The following C2orf76 variants were observed in gnomAD, a reference collection of about 807,000 sequenced individuals.
C2orf76 encodes UPF0538 protein C2orf76.
A neutral mutation model predicts 16.9 loss-of-function variants in C2orf76; 23 were observed. The ratio of observed to expected loss-of-function variants is 1.36; its 90% CI spans 0.98 to 1.93. The LOEUF is 1.93. Ranked by LOEUF, C2orf76 falls within the 30% of genes most tolerant of loss-of-function variation. The probability of loss-of-function intolerance (pLI) is 0.00; values close to 1 mark genes in which losing one functional copy is unlikely to be tolerated. For synonymous variants in C2orf76, 48 were observed against 52.3 expected, an observed-to-expected ratio of 0.92 and a Z score of 0.35; for missense variants, 152 against 152.6, an observed-to-expected ratio of 1.00 and a Z score of 0.02.
chr2:119,301,947 A>G (rs756755375), downstream of C2orf76, among the ~76,000 whole-genome samples: 88 of 152,030 alleles, frequency 5.8e-4, no homozygotes, highest in Non-Finnish European at 1.0e-3. Flanking sequence ...ACCTTCCTAC[A>G]TCATAAAACC....
chr2:119,367,016 C>G (rs1681043158), upstream of C2orf76: 1 of 1,613,818 alleles, frequency 6.2e-7, no homozygotes. Context: ...CTCGCCTCCT[C>G]CGCTGTCTCC....
Position 119,302,468 on chromosome 2 carries a change from GT to G in C2orf76, c.*3del. ...TATGCAAAAAGGAAGCCCTCGAGAT[GT>G]TTTCACCAGGATGAAATGGGATTAG... On this transcript the variant is annotated 3_prime_UTR_variant, in exon 6 of 6. Coordinates refer to ENST00000334816, the MANE Select transcript of C2orf76 (RefSeq NM_001322331.2). 1 of 1,267,364 alleles carries G rather than the reference GT, an allele frequency of 7.9e-7. No homozygotes were observed. The highest frequency in any genetic ancestry group is 1.1e-6 in the Non-Finnish European group (1 of 895,474). The allele number at this position is 1,267,364 out of a possible 1,614,324, so 78.5% of individuals were successfully genotyped here.
At chr2:119,316,289 C>G (rs1679171249) in intron 4 of C2orf76, among the ~76,000 whole-genome samples, 1 of 152,190 alleles carries the variant, frequency 6.6e-6, no homozygotes, top group South Asian at 2.1e-4. Context: ...CAGCCCCAGA[C>G]ACGTGTGAGC....
In C2orf76 at chr2:119,308,901, C is replaced by T. The variant is rs528699879; in HGVS notation, c.304+2721G>A. On this transcript the variant is annotated intron_variant, in intron 5 of 5. Transcript: ENST00000334816. ...GAAAATTCAAGGTCATATTCATTCC[C>T]GACGGTGGTATAAGAGTATCCATTT... Among the ~76,000 whole-genome samples the T allele has an allele frequency of 5.6e-4, 85 of 152,254 alleles. 2 individuals carry two copies. In the South Asian group the frequency reaches 0.01, roughly 19 times the overall value.
intron 2 of C2orf76, chr2:119,339,092 GT>G (rs1211935115): frequency 6.6e-6 from 1 of 152,118 alleles, no homozygotes; most frequent in African/African-American, 2.4e-5. Flanking sequence ...TTGTCTATGA[GT>G]TTGAAATCAT....
chr2:119,310,101 TC>T (rs2104543981), intron 5 of C2orf76, among the ~76,000 whole-genome samples: 1 of 152,346 alleles, frequency 6.6e-6, no homozygotes, highest in African/African-American at 2.4e-5. Context: ...AACTTTATCA[TC>T]CTGTGAAATA....
At chr2:119,360,477 C>CAA (rs770401400) in intron 1 of C2orf76, among the ~76,000 whole-genome samples, 1,125 of 65,166 alleles carry the variant, frequency 0.017, 24 homozygotes, top group African/African-American at 0.02. Flanking sequence ...AACTCTGTCT[C>CAA]AAAAAAAAAA....
chr2:119,321,278 T>C (rs918517426), intron 2 of C2orf76, 74 bp from the exon 3 acceptor site: 29 of 800,544 alleles, frequency 3.6e-5, no homozygotes, highest in Non-Finnish European at 5.6e-5. Flanking sequence ...CTTTTGGTTC[T>C]ATTCTTTTCT....
At chr2:119,364,039 G>GAGAGACAGACAGAC (rs113457627) in intron 1 of C2orf76, among the ~76,000 whole-genome samples, 2,666 of 147,634 alleles carry the variant, frequency 0.018, 36 homozygotes, top group South Asian at 0.05. Context: ...GAGAGAGAGA[G>GAGAGACAGACAGAC]AGACAGACAG....
intron 3 of C2orf76, among the ~76,000 whole-genome samples, chr2:119,318,152 T>G (rs1487354521): frequency 6.6e-6 from 1 of 152,232 alleles, no homozygotes; most frequent in Non-Finnish European, 1.5e-5. Context: ...GCACTTCCAG[T>G]AAGTAATTTC....
intron 1 of C2orf76, among the ~76,000 whole-genome samples, chr2:119,349,182 ATT>A (rs902147519): frequency 3.3e-5 from 5 of 152,184 alleles, no homozygotes; most frequent in Non-Finnish European, 5.9e-5. Context: ...ACTTTTTAAT[ATT>A]GTTTGATGTT....
chr2:119,306,699 A>G (rs184707527), intron 5 of C2orf76, among the ~76,000 whole-genome samples: 7 of 152,310 alleles, frequency 4.6e-5, no homozygotes, highest in Admixed American at 1.3e-4. Context: ...ACAAAAAATT[A>G]TAAGTAACAT....
chr2:119,345,803 T>G (rs1029308075), intron 1 of C2orf76, among the ~76,000 whole-genome samples: 1 of 152,176 alleles, frequency 6.6e-6, no homozygotes, highest in Non-Finnish European at 1.5e-5. Context: ...GGCTCACGCC[T>G]GTAATCCCAG....
At chr2:119,332,283 G>GA (rs35476748) in intron 2 of C2orf76, among the ~76,000 whole-genome samples, 84,352 of 149,506 alleles carry the variant, frequency 0.56, 23,933 homozygotes, top group African/African-American at 0.62. Context: ...ACACCTAAAG[G>GA]AAAAAAAAAA....
At chr2:119,343,442 T>C (rs1362260059) in intron 1 of C2orf76, among the ~76,000 whole-genome samples, 2 of 147,310 alleles carry the variant, frequency 1.4e-5, no homozygotes, top group East Asian at 4.0e-4. Context: ...AAAAAAGCCC[T>C]CCCATACACA....
chr2:119,317,561 T>C, intron 3 of C2orf76, 58 bp from the exon 4 acceptor site: 1 of 1,415,156 alleles, frequency 7.1e-7, no homozygotes, highest in Non-Finnish European at 9.8e-7. Flanking sequence ...TCTTTTCAAA[T>C]TATTAAAATG....
downstream of C2orf76, among the ~76,000 whole-genome samples, chr2:119,301,873 GA>G (rs538645918): frequency 1.8e-3 from 132 of 74,738 alleles, 1 homozygote; most frequent in East Asian, 8.8e-3. Flanking sequence ...AGAAAGAAAA[GA>G]AAAAAAAAAA....
chr2:119,311,859 G>T (rs1318319986), intron 4 of C2orf76, among the ~76,000 whole-genome samples, 156 bp from the exon 5 acceptor site: 1 of 152,192 alleles, frequency 6.6e-6, no homozygotes, highest in Non-Finnish European at 1.5e-5. Context: ...CAGAGGCACA[G>T]TGAGGTCCTG....
intron 1 of C2orf76, among the ~76,000 whole-genome samples, chr2:119,363,086 C>A (rs1468833264): frequency 1.3e-5 from 2 of 152,062 alleles, no homozygotes; most frequent in East Asian, 3.9e-4. Context: ...CATACCTCCC[C>A]AATCCTATCC....
Sources: gnomAD v4.1 joint callset for allele counts (sites outside exome capture counted in the v4.1 genomes callset) on GRCh38, gnomAD v4.1.1 for gene constraint, MANE v1.5 for transcripts, NCBI Gene and HGNC (gene_info 2026-07-23, HGNC 2026-07-21) for gene names.